CDH12: variants seen among roughly 807,000 people sequenced by gnomAD.
CDH12 encodes the protein cadherin 12, also known as cadherin-12.
A neutral mutation model predicts 74.1 loss-of-function variants in CDH12; 41 were observed. The observed-to-expected ratio is 0.55, with a 90% confidence interval of 0.43 to 0.72. CDH12 has a LOEUF of 0.72. Among genes scored for constraint, CDH12 ranks in the 30% least tolerant of loss-of-function variants. CDH12 has a pLI of 0.00. For synonymous variants in CDH12, 399 were observed against 355.0 expected, an observed-to-expected ratio of 1.12 and a Z score of -1.39; for missense variants, 945 against 977.2, an observed-to-expected ratio of 0.97 and a Z score of 0.44.
At chr5:22,405,406 G>C (rs1032510729) in intron 2 of CDH12, 55 bp from the exon 3 acceptor site, 5 of 355,712 alleles carry the variant, frequency 1.4e-5, no homozygotes, top group African/African-American at 1.1e-4. Flanking sequence ...TCTGTATTCT[G>C]TGCATCATTA....
intron 2 of CDH12, among the ~76,000 whole-genome samples, chr5:22,466,135 A>G (rs2126595303): frequency 6.6e-6 from 1 of 152,248 alleles, no homozygotes; most frequent in South Asian, 2.1e-4. Flanking sequence ...TTCTTGCTTT[A>G]GGGTCTGGAA....
intron 12 of CDH12, among the ~76,000 whole-genome samples, chr5:21,761,508 TC>T (rs1207609363): frequency 2.0e-5 from 3 of 152,124 alleles, no homozygotes; most frequent in African/African-American, 7.2e-5. Flanking sequence ...GGCCAGATAA[TC>T]ATGCTCTCAG....
intron 1 of CDH12, among the ~76,000 whole-genome samples, chr5:22,546,261 A>G (rs1445605304): frequency 1.3e-5 from 2 of 152,122 alleles, no homozygotes; most frequent in Non-Finnish European, 2.9e-5. Context: ...TTTGCATCAG[A>G]AAAGTATAAA....
In CDH12 at chr5:22,452,012, A is replaced by G. The variant is rs140847467; in HGVS notation, c.-427-46661T>C. On this transcript the variant is annotated intron_variant, in intron 2 of 14. Coordinates refer to ENST00000382254, the MANE Select transcript of CDH12 (RefSeq NM_004061.5). ...AAAAAATTACCTAAGAATGCATTTAACCAATGAGGTGAAATATCGCTATAA... is the reference window on the plus strand; with the variant it reads ...AAAAAATTACCTAAGAATGCATTTAGCCAATGAGGTGAAATATCGCTATAA... 6.3e-3 allele frequency among the ~76,000 whole-genome samples: 962 copies of G among 152,068 alleles called. 5 individuals carry two copies. The highest frequency in any genetic ancestry group is 0.014 in the Middle Eastern group (4 of 294).
intron 1 of CDH12, among the ~76,000 whole-genome samples, chr5:22,544,554 A>G (rs1304306016): frequency 6.6e-6 from 1 of 152,128 alleles, no homozygotes; most frequent in African/African-American, 2.4e-5. Flanking sequence ...GGTGGCTCAC[A>G]CCTATATTTC....
At chr5:22,046,407 G>C (rs1739953429) in intron 5 of CDH12, among the ~76,000 whole-genome samples, 1 of 147,380 alleles carries the variant, frequency 6.8e-6, no homozygotes, top group Admixed American at 6.7e-5. Context: ...TATAAATTGA[G>C]AAAGTCACTG....
At chr5:21,990,655 A>G (rs954153381) in intron 5 of CDH12, among the ~76,000 whole-genome samples, 2 of 152,042 alleles carry the variant, frequency 1.3e-5, no homozygotes, top group Non-Finnish European at 2.9e-5. Context: ...AGAAAAAGCT[A>G]TCAAGCTTCT....
chr5:21,910,682 T>C lies in CDH12; in HGVS notation c.527-55892A>G, dbSNP rs965220911. 3.3e-5 allele frequency among the ~76,000 whole-genome samples: 5 copies of C among 151,298 alleles called. No homozygotes were observed. The Admixed American group carries it at 3.3e-4, about 10-fold the overall frequency. On this transcript the variant is annotated intron_variant, in intron 6 of 14. Coordinates refer to ENST00000382254, the MANE Select transcript of CDH12 (RefSeq NM_004061.5). ...AGAGAAAGGTAGGATTTATCTTTTT[T>C]TTTTTTTAATCAAAAGAATCAGTAG...
At chr5:21,817,584 A>G (rs1748132048) in intron 8 of CDH12, among the ~76,000 whole-genome samples, 1 of 152,036 alleles carries the variant, frequency 6.6e-6, no homozygotes, top group Non-Finnish European at 1.5e-5. Context: ...TAGAAAGTTG[A>G]GGTTATATTT....
At chr5:22,668,998 T>G (rs1740769358) in intron 1 of CDH12, among the ~76,000 whole-genome samples, 1 of 152,188 alleles carries the variant, frequency 6.6e-6, no homozygotes, top group South Asian at 2.1e-4. Flanking sequence ...AAGTATTTAC[T>G]TTCACTTGAG....
In CDH12 at chr5:22,333,229, A is replaced by T. The variant is rs182444361; in HGVS notation, c.-333+72028T>A. ...ACTAACACAGAAACAGAAACCAAAA[A>T]CCGCATGTTTTCACTCATAAGTTGG... On this transcript the variant is annotated intron_variant, in intron 3 of 14. Transcript: ENST00000382254. Among the ~76,000 whole-genome samples the T allele has an allele frequency of 4.6e-5, 7 of 151,970 alleles. No homozygotes were observed. The South Asian group carries it at 1.5e-3, about 32-fold the overall frequency.
At chr5:22,528,240 A>T (rs1737378448) in intron 1 of CDH12, among the ~76,000 whole-genome samples, 1 of 152,052 alleles carries the variant, frequency 6.6e-6, no homozygotes, top group African/African-American at 2.4e-5. Context: ...GGATTAATTC[A>T]CTCTGAAAAG....
chr5:22,040,802 A>T (rs1285928161), intron 5 of CDH12, among the ~76,000 whole-genome samples: 1 of 152,176 alleles, frequency 6.6e-6, no homozygotes, highest in African/African-American at 2.4e-5. Context: ...AGAAATGCTT[A>T]AGGGAGTTCT....
chr5:22,282,151 A>T (rs981861080), intron 3 of CDH12, among the ~76,000 whole-genome samples: 1 of 151,880 alleles, frequency 6.6e-6, no homozygotes, highest in Non-Finnish European at 1.5e-5. Context: ...TGGGGAAAGG[A>T]TTCTTTAATA....
intron 4 of CDH12, among the ~76,000 whole-genome samples, chr5:22,106,353 T>G (rs537641491): frequency 1.0e-3 from 157 of 152,354 alleles, no homozygotes; most frequent in Admixed American, 1.9e-3. Flanking sequence ...TTCATTTTTA[T>G]GCAAATTTTC....
chr5:22,572,994 T>C (rs1048786576), intron 1 of CDH12, among the ~76,000 whole-genome samples: 14 of 152,288 alleles, frequency 9.2e-5, no homozygotes, highest in African/African-American at 4.8e-5. Flanking sequence ...TTTTAAAAAA[T>C]TGAGTAATGA....
At chr5:22,054,941 C>A (rs58772114) in intron 5 of CDH12, among the ~76,000 whole-genome samples, 1 of 152,100 alleles carries the variant, frequency 6.6e-6, no homozygotes, top group Non-Finnish European at 1.5e-5. Context: ...ATTATAACAA[C>A]GTAGTCATAA....
chr5:22,305,125 A>G (rs1055413275), intron 3 of CDH12, among the ~76,000 whole-genome samples: 41 of 152,170 alleles, frequency 2.7e-4, no homozygotes, highest in African/African-American at 9.2e-4. Context: ...TATAAAAGGT[A>G]CTTTGGATTT....
At chr5:22,850,625 G>C (rs1737506410) in intron 1 of CDH12, among the ~76,000 whole-genome samples, 1 of 152,020 alleles carries the variant, frequency 6.6e-6, no homozygotes, top group Admixed American at 6.6e-5. Context: ...ATGATCACAT[G>C]ATAATTTCTG....
Sources: allele counts gnomAD v4.1 joint callset (sites outside exome capture counted in the v4.1 genomes callset), GRCh38; gene constraint gnomAD v4.1.1; transcripts MANE v1.5; gene names NCBI Gene and HGNC (gene_info 2026-07-23, HGNC 2026-07-21).